UBE3A: variants seen among roughly 807,000 people sequenced by gnomAD.
The protein encoded by UBE3A is ubiquitin-protein ligase E3A.
In UBE3A, 6 loss-of-function variants were observed where a neutral mutation model predicts 83.4. That is an observed-to-expected ratio of 0.07 (90% CI 0.04 to 0.14). The LOEUF is 0.14. Among genes scored for constraint, UBE3A ranks in the 10% least tolerant of loss-of-function variants. The pLI is 1.00. For missense variants in UBE3A, 456 were observed against 1,036.1 expected (o/e 0.44, Z 7.69); for synonymous variants, 337 against 355.4 (o/e 0.95, Z 0.58).
intron 1 of UBE3A, among the ~76,000 whole-genome samples, chr15:25,429,194 A>G (rs1567186640): frequency 1.3e-5 from 2 of 152,252 alleles, no homozygotes; most frequent in African/African-American, 4.8e-5. Flanking sequence ...GTATAGTAAA[A>G]GTATAAAACA....
At chr15:25,432,920 T>C (rs767941486) in intron 1 of UBE3A, among the ~76,000 whole-genome samples, 37 of 152,232 alleles carry the variant, frequency 2.4e-4, no homozygotes, top group Non-Finnish European at 4.0e-4. Flanking sequence ...TCAGATTTCC[T>C]GAAAATGAAC....
chr15:25,358,331 A>T (rs927324123), intron 7 of UBE3A, among the ~76,000 whole-genome samples: 4 of 151,948 alleles, frequency 2.6e-5, no homozygotes, highest in Non-Finnish European at 4.4e-5. Context: ...GTGAGCCGAG[A>T]CAGAACCACT....
chr15:25,407,195 C>T, intron 3 of UBE3A: 1 of 1,330,188 alleles, frequency 7.5e-7, no homozygotes, highest in Middle Eastern at 2.1e-4. Context: ...GTGCGACCCT[C>T]CAGCATCAGA....
intron 1 of UBE3A, among the ~76,000 whole-genome samples, chr15:25,430,137 ATT>A (rs1892847019): frequency 1.6e-5 from 1 of 62,910 alleles, no homozygotes; most frequent in African/African-American, 9.3e-5. Flanking sequence ...TTATATATAT[ATT>A]ATATATATAA....
chr15:25,358,184 C>T (rs571594833), intron 7 of UBE3A, among the ~76,000 whole-genome samples: 27 of 152,094 alleles, frequency 1.8e-4, no homozygotes, highest in African/African-American at 6.5e-4. Context: ...CCAGCCTGGG[C>T]AAGATGGAGA....
intron 4 of UBE3A, among the ~76,000 whole-genome samples, chr15:25,395,306 C>A (rs1380086748): frequency 6.6e-6 from 1 of 152,142 alleles, no homozygotes; most frequent in African/African-American, 2.4e-5. Context: ...CATGGTTTAA[C>A]TCAGATTTTA....
chr15:25,405,571 C>T (rs1269325481), intron 3 of UBE3A, 69 bp from the exon 4 acceptor site: 1 of 1,492,740 alleles, frequency 6.7e-7, no homozygotes, highest in Admixed American at 1.7e-5. Flanking sequence ...AGACATATTA[C>T]TTAGGAAGAC....
chr15:25,408,630 A>C, intron 3 of UBE3A: 2 of 1,613,820 alleles, frequency 1.2e-6, no homozygotes, highest in Non-Finnish European at 1.7e-6. Context: ...TTCCAATAAC[A>C]CTGGTGCAGC....
Position 25,407,326 on chromosome 15 carries a change from C to A in UBE3A, c.20+1762G>T, listed in dbSNP as rs2153060701. On this transcript the variant is annotated intron_variant, in intron 3 of 12. Coordinates refer to ENST00000648336, the MANE Select transcript of UBE3A (RefSeq NM_130839.5). ...TAGGCAGCAAAACTTTCAAAATTAACAGGGAAAGAGAAGAGAGGGAAAAAA... is the reference window on the plus strand; with the variant it reads ...TAGGCAGCAAAACTTTCAAAATTAAAAGGGAAAGAGAAGAGAGGGAAAAAA... The A allele has an allele frequency of 6.1e-6, 6 of 990,520 alleles. No homozygotes were observed. In the South Asian group the frequency reaches 9.5e-5, roughly 16 times the overall value. 61.4% of individuals were successfully genotyped at this position (990,520 alleles called of 1,614,324 possible).
intron 11 of UBE3A, among the ~76,000 whole-genome samples, chr15:25,349,991 T>G (rs779377845): frequency 4.6e-5 from 7 of 152,124 alleles, no homozygotes; most frequent in Non-Finnish European, 8.8e-5. Flanking sequence ...GTTGGCTGGG[T>G]GCAGTGGCTC....
At chr15:25,349,129 G>C (rs75491587) in intron 11 of UBE3A, among the ~76,000 whole-genome samples, 6,814 of 152,254 alleles carry the variant, frequency 0.045, 495 homozygotes, top group African/African-American at 0.15. Context: ...CTCACACACA[G>C]ATTGATTTTC....
At chr15:25,433,775 G>C (rs1371310120) in intron 1 of UBE3A, among the ~76,000 whole-genome samples, 2 of 152,076 alleles carry the variant, frequency 1.3e-5, no homozygotes, top group African/African-American at 4.8e-5. Context: ...ACAAAGACCA[G>C]TATTTTTTAA....
chr15:25,408,383 A>G, intron 3 of UBE3A: 1 of 601,452 alleles, frequency 1.7e-6, no homozygotes, highest in Non-Finnish European at 2.9e-6. Flanking sequence ...AAAACATATA[A>G]CCAAAGGGAA....
intron 1 of UBE3A, chr15:25,420,558 T>C (rs1249740724): frequency 1.3e-5 from 2 of 151,960 alleles, no homozygotes; most frequent in East Asian, 3.9e-4. Context: ...AAAAGAAAAC[T>C]TCTCAACAGC....
intron 6 of UBE3A, among the ~76,000 whole-genome samples, chr15:25,365,499 G>C (rs187278104): frequency 6.6e-6 from 1 of 151,778 alleles, no homozygotes; most frequent in Non-Finnish European, 1.5e-5. Flanking sequence ...CTGTAATCCC[G>C]GCACTCTGGG....
At chr15:25,347,989 A>T (rs749684102) in intron 11 of UBE3A, among the ~76,000 whole-genome samples, 5 of 152,186 alleles carry the variant, frequency 3.3e-5, no homozygotes, top group Non-Finnish European at 7.4e-5. Context: ...AAATTCAGCA[A>T]CACAGGATGA....
At chr15:25,379,749 T>C (rs2081864943) in intron 4 of UBE3A, among the ~76,000 whole-genome samples, 1 of 152,178 alleles carries the variant, frequency 6.6e-6, no homozygotes, top group Admixed American at 6.5e-5. Context: ...CACCAAATCA[T>C]AGCTCGTAAG....
chr15:25,339,963 A>G, intron 12 of UBE3A, 122 bp downstream of exon 12: 1 of 1,310,970 alleles, frequency 7.6e-7, no homozygotes, highest in Non-Finnish European at 1.1e-6. Flanking sequence ...GTCTAATATG[A>G]TTTGGGGATT....
chr15:25,340,695 A>C (rs760873584), intron 11 of UBE3A, among the ~76,000 whole-genome samples: 2 of 151,666 alleles, frequency 1.3e-5, no homozygotes, highest in African/African-American at 4.9e-5. Flanking sequence ...GGGAGGAAAA[A>C]GTGATACAGA....
Sources: allele counts gnomAD v4.1 joint callset (sites outside exome capture counted in the v4.1 genomes callset), GRCh38; gene constraint gnomAD v4.1.1; transcripts MANE v1.5; gene names NCBI Gene and HGNC (gene_info 2026-07-23, HGNC 2026-07-21).